CORO2A: variants seen among roughly 807,000 people sequenced by gnomAD.
The protein encoded by CORO2A is coronin 2A.
A neutral mutation model predicts 62.4 loss-of-function variants in CORO2A; 47 were observed. The observed-to-expected ratio is 0.75, with a 90% confidence interval of 0.60 to 0.96. The LOEUF is 0.96. CORO2A is among the 40% of genes least tolerant of loss of function. The pLI is 0.00. For synonymous variants in CORO2A, 273 were observed against 268.9 expected, an observed-to-expected ratio of 1.02 and a Z score of -0.15; for missense variants, 610 against 684.1, an observed-to-expected ratio of 0.89 and a Z score of 1.21.
At chr9:98,168,087 C>T (rs1827985281) in intron 1 of CORO2A, among the ~76,000 whole-genome samples, 1 of 152,238 alleles carries the variant, frequency 6.6e-6, no homozygotes. Context: ...CACAGAACCT[C>T]TAGTCCCACA....
At chr9:98,139,827 G>A (rs1266833118) in intron 2 of CORO2A, among the ~76,000 whole-genome samples, 3 of 152,154 alleles carry the variant, frequency 2.0e-5, no homozygotes, top group East Asian at 3.9e-4. Context: ...GAATTTTCTG[G>A]TATGTGAATT....
At chr9:98,178,405 A>C (rs985496572) in intron 1 of CORO2A, among the ~76,000 whole-genome samples, 24 of 152,354 alleles carry the variant, frequency 1.6e-4, no homozygotes, top group Non-Finnish European at 1.8e-4. Context: ...CTAACAAGTC[A>C]CAATTTTTCA....
At chr9:98,169,709 T>C (rs1224501222) in intron 1 of CORO2A, among the ~76,000 whole-genome samples, 2 of 152,102 alleles carry the variant, frequency 1.3e-5, no homozygotes, top group African/African-American at 4.8e-5. Flanking sequence ...ATCGTGCTTT[T>C]CAAAAGAGAA....
At chr9:98,148,205 G>A (rs1232743357) in intron 2 of CORO2A, among the ~76,000 whole-genome samples, 5 of 151,544 alleles carry the variant, frequency 3.3e-5, no homozygotes. Context: ...GACCAGCCTG[G>A]CCAACATAGC....
chr9:98,133,630 C>T (rs1022573355), intron 4 of CORO2A, among the ~76,000 whole-genome samples: 2 of 152,160 alleles, frequency 1.3e-5, no homozygotes, highest in Non-Finnish European at 2.9e-5. Context: ...TGACTAGTGC[C>T]CCCTGAAGTT....
intron 1 of CORO2A, among the ~76,000 whole-genome samples, chr9:98,161,664 G>A (rs1021071871): frequency 1.3e-5 from 2 of 152,202 alleles, no homozygotes; most frequent in African/African-American, 4.8e-5. Context: ...GAGCAGGTAA[G>A]AGGCAATGGT....
At position 98,123,508 on chromosome 9, in the gene CORO2A, T is replaced by A. The variant is rs1827270896; in HGVS notation, c.*1266A>T. 3.3e-5 allele frequency: 5 copies of A among 151,828 alleles called. No individual in the cohort carries two copies. The highest frequency in any genetic ancestry group is 3.3e-4 in the Admixed American group (5 of 15,242). The allele number at this position is 151,828 out of a possible 1,614,324, so 9.4% of individuals were successfully genotyped here. ...TATTCTCTCTCTCTTTTTTTTTTTT[T>A]TTTTGGAGATGGAGTCTCGCTCTGT... On this transcript the variant is annotated 3_prime_UTR_variant, in exon 12 of 12. Coordinates refer to ENST00000375077, the MANE Select transcript of CORO2A (RefSeq NM_052820.4).
intron 1 of CORO2A, among the ~76,000 whole-genome samples, chr9:98,168,857 T>G (rs556768787): frequency 1.5e-4 from 23 of 152,252 alleles, no homozygotes; most frequent in African/African-American, 5.3e-4. Context: ...ACCATGATGA[T>G]GGGGAAACAG....
chr9:98,131,863 C>G (rs780872690), intron 6 of CORO2A, among the ~76,000 whole-genome samples: 32 of 152,082 alleles, frequency 2.1e-4, no homozygotes, highest in Non-Finnish European at 4.0e-4. Flanking sequence ...TCATTTGCTC[C>G]AGGTGCACCC....
chr9:98,150,904 C>A (rs1321941468), intron 2 of CORO2A, among the ~76,000 whole-genome samples: 1 of 152,174 alleles, frequency 6.6e-6, no homozygotes, highest in African/African-American at 2.4e-5. Context: ...GGATACAGGT[C>A]ACATGCCTCA....
At chr9:98,161,228 C>T (rs530562977) in intron 1 of CORO2A, among the ~76,000 whole-genome samples, 1 of 152,156 alleles carries the variant, frequency 6.6e-6, no homozygotes, top group East Asian at 1.9e-4. Flanking sequence ...TACCCGGACT[C>T]TGAGGGCAGT....
intron 6 of CORO2A, 97 bp from the exon 7 acceptor site, chr9:98,131,156 G>A (rs1363148155): frequency 9.3e-6 from 7 of 752,288 alleles, no homozygotes; most frequent in Non-Finnish European, 1.4e-5. Flanking sequence ...TGCTCTGGGC[G>A]AGAGTGTGTG....
intron 2 of CORO2A, among the ~76,000 whole-genome samples, chr9:98,154,553 C>T (rs1588003357): frequency 6.6e-6 from 1 of 151,904 alleles, no homozygotes; most frequent in African/African-American, 2.4e-5. Flanking sequence ...AGTCGTAACC[C>T]TCTCCATCCC....
intron 4 of CORO2A, 111 bp from the exon 5 acceptor site, chr9:98,133,328 A>G: frequency 5.5e-6 from 6 of 1,092,474 alleles, no homozygotes; most frequent in Non-Finnish European, 7.9e-6. Context: ...AGGGTGGCGC[A>G]GCTGGCAGCC....
chr9:98,137,534 C>T, intron 3 of CORO2A, 38 bp downstream of exon 3: 1 of 1,554,924 alleles, frequency 6.4e-7, no homozygotes, highest in South Asian at 1.1e-5. Context: ...CAATCCCACT[C>T]TTCAGGAAGG....
At chr9:98,129,973 G>C in intron 7 of CORO2A, 83 bp from the exon 8 acceptor site, 3 of 1,069,338 alleles carry the variant, frequency 2.8e-6, no homozygotes, top group East Asian at 2.4e-5. Context: ...ATGCAGCAAA[G>C]ACCTGGCTTT....
chr9:98,189,264 T>G (rs1185994790), intron 1 of CORO2A, among the ~76,000 whole-genome samples: 3 of 152,216 alleles, frequency 2.0e-5, no homozygotes, highest in Non-Finnish European at 4.4e-5. Context: ...CACCTACTCC[T>G]GGCCCTTTAG....
intron 2 of CORO2A, among the ~76,000 whole-genome samples, chr9:98,138,223 TGGC>T: frequency 6.6e-6 from 1 of 152,200 alleles, no homozygotes; most frequent in East Asian, 1.9e-4. Flanking sequence ...GAGACCAGCC[TGGC>T]CAACATGGTG....
At chr9:98,183,847 G>A (rs1351234929) in intron 1 of CORO2A, among the ~76,000 whole-genome samples, 2 of 152,198 alleles carry the variant, frequency 1.3e-5, no homozygotes, top group Non-Finnish European at 2.9e-5. Flanking sequence ...TGTGATCCCA[G>A]CTACTTGGGA....
Sources: gnomAD v4.1 joint callset for allele counts (sites outside exome capture counted in the v4.1 genomes callset) on GRCh38, gnomAD v4.1.1 for gene constraint, MANE v1.5 for transcripts, NCBI Gene and HGNC (gene_info 2026-07-23, HGNC 2026-07-21) for gene names.